SMYD4: variants seen among roughly 807,000 people sequenced by gnomAD.
SMYD4 encodes SET and MYND domain containing 4.
Under a neutral mutation model 72.8 loss-of-function variants are expected in SMYD4, and 68 were observed. The ratio of observed to expected loss-of-function variants is 0.93; its 90% CI spans 0.77 to 1.14. The LOEUF is 1.14. Among genes scored for constraint, SMYD4 ranks in the 50% most tolerant of loss-of-function variants. The pLI is 0.00. For synonymous variants in SMYD4, 407 were observed against 388.6 expected (o/e 1.05, Z -0.56); for missense variants, 984 against 1,003.7 (o/e 0.98, Z 0.27).
chr17:1,794,037 G>GTATATATATATGTGTGTGTATATATATA (rs540607649), intron 5 of SMYD4, among the ~76,000 whole-genome samples: 10 of 49,340 alleles, frequency 2.0e-4, no homozygotes, highest in East Asian at 9.3e-4. Context: ...ATATATATAT[G>GTATATATATATGTGTGTGTATATATATA]TATGTATATA....
rs1454228796 is a variant in SMYD4, at chr17:1,794,081, G to GTGTATATA, written c.1537+5775_1537+5776insTATATACA. ...TGTATATATATGTGTATATATATGT[G>GTGTATATA]TATATATATATATATATATATATAT... On this transcript the variant is annotated intron_variant, in intron 5 of 10. Transcript: ENST00000305513. Among the ~76,000 whole-genome samples the GTGTATATA allele has an allele frequency of 2.6e-3, 45 of 17,114 alleles. 3 individuals are homozygous for GTGTATATA. Among genetic ancestry groups the GTGTATATA allele is most frequent in the South Asian group, 3.4e-3 (2 of 580 alleles). 11.2% of individuals were successfully genotyped at this position (17,114 alleles called of 152,430 possible).
intron 2 of SMYD4, among the ~76,000 whole-genome samples, chr17:1,819,378 T>C (rs1450850150): frequency 6.6e-6 from 1 of 152,032 alleles, no homozygotes; most frequent in Admixed American, 6.6e-5. Context: ...ACAAACAAAA[T>C]GACTACATAG....
intron 3 of SMYD4, among the ~76,000 whole-genome samples, chr17:1,807,654 C>T (rs1162536701): frequency 6.6e-6 from 1 of 152,220 alleles, no homozygotes; most frequent in African/African-American, 2.4e-5. Flanking sequence ...CGAGCCACCG[C>T]GCCCGGCCTG....
At chr17:1,826,015 CATTGT>C (rs1911150281) in intron 2 of SMYD4, among the ~76,000 whole-genome samples, 1 of 151,894 alleles carries the variant, frequency 6.6e-6, no homozygotes, top group South Asian at 2.1e-4. Flanking sequence ...AAAACATTTA[CATTGT>C]AAATAGGGTA....
rs187970042 is a variant in SMYD4 at position 1,807,424 on chromosome 17, C to G, written c.280-2709G>C. On this transcript the variant is annotated intron_variant, in intron 3 of 10. Transcript: ENST00000305513. Reference sequence around the variant, plus strand: ...ACTAAAACTTCCGCGTACCGCCCCCCCCGGCCCCCACACCGGCAACCCCGC... The same window carrying G: ...ACTAAAACTTCCGCGTACCGCCCCCGCCGGCCCCCACACCGGCAACCCCGC... Among the ~76,000 whole-genome samples, 284 of 152,022 alleles carry G rather than the reference C, an allele frequency of 1.9e-3. 8 individuals are homozygous for G. In the East Asian group the frequency reaches 0.045, roughly 24 times the overall value.
chr17:1,793,492 G>C (rs12602913), intron 5 of SMYD4, among the ~76,000 whole-genome samples: 46,215 of 151,496 alleles, frequency 0.31, 7,418 homozygotes, highest in African/African-American at 0.38. Context: ...GCCCAGGCTT[G>C]TTCACAGGGC....
At position 1,795,754 on chromosome 17, in the gene SMYD4, T is replaced by G. The variant is rs532076531; in HGVS notation, c.1537+4103A>C. Among the ~76,000 whole-genome samples, 4 of 151,160 alleles carry G rather than the reference T, an allele frequency of 2.6e-5. No individual in the cohort carries two copies. In the East Asian group the frequency reaches 7.8e-4, roughly 29 times the overall value. On this transcript the variant is annotated intron_variant, in intron 5 of 10. Transcript: ENST00000305513. ...ACTGTGCCTGGCCCGTGAGTTTTTT[T>G]TTTTTTTTTTTAAGTATTTTCCTCT...
chr17:1,817,460 G>T (rs185047033), intron 2 of SMYD4, among the ~76,000 whole-genome samples: 1 of 152,060 alleles, frequency 6.6e-6, no homozygotes, highest in African/African-American at 2.4e-5. Flanking sequence ...TCCCACCTCA[G>T]CTTCCTGAGT....
At chr17:1,827,160 AT>A (rs1170867149) in intron 2 of SMYD4, among the ~76,000 whole-genome samples, 2 of 151,808 alleles carry the variant, frequency 1.3e-5, no homozygotes, top group Admixed American at 6.6e-5. Flanking sequence ...GTCAAAAAAA[AT>A]AAAATAAAAT....
Position 1,783,391 on chromosome 17 carries a change from C to T in SMYD4, c.2106G>A (p.Ala702=), listed in dbSNP as rs747752706. 1.6e-5 allele frequency: 25 copies of T among 1,612,514 alleles called. No homozygotes were observed. Among genetic ancestry groups the T allele is most frequent in the Admixed American group, 3.3e-5 (2 of 60,004 alleles). Residue 702 remains alanine (A), a synonymous_variant, in exon 9 of 11, where the codon GCG becomes GCA. Coordinates refer to ENST00000305513, the MANE Select transcript of SMYD4 (RefSeq NM_052928.3). ...WAEHAVVGEI[A]DGLARACAAL... ...CAGCACAGGCCCGGGCCAGGCCATC[C>T]GCGATCTCTCCCACCACGGCGTGCT...
intron 5 of SMYD4, among the ~76,000 whole-genome samples, chr17:1,794,039 A>ATATATATATGTGTG (rs1567770772): frequency 0.45 from 30,327 of 67,746 alleles, 7,669 homozygotes; most frequent in Non-Finnish European, 0.58. Context: ...ATATATATGT[A>ATATATATATGTGTG]TGTATATATA....
chr17:1,784,044 C>T (rs1336134637), intron 8 of SMYD4, among the ~76,000 whole-genome samples: 9 of 152,234 alleles, frequency 5.9e-5, no homozygotes, highest in Non-Finnish European at 1.2e-4. Flanking sequence ...ACACAGCTCA[C>T]GGATGTCAGC....
At position 1,790,400 on chromosome 17, in the gene SMYD4, G is replaced by A. The variant is rs968321102; in HGVS notation, c.1538-2796C>T. 3.9e-5 allele frequency among the ~76,000 whole-genome samples: 6 copies of A among 152,278 alleles called. No individual in the cohort carries two copies. The South Asian group carries it at 1.2e-3, about 32-fold the overall frequency. On this transcript the variant is annotated intron_variant, in intron 5 of 10. Coordinates refer to ENST00000305513, the MANE Select transcript of SMYD4 (RefSeq NM_052928.3). ...CATCTATTAGTAGAGATAATAGAAA[G>A]TGAGAATATGTATGTAGTTCCTCAA...
At chr17:1,793,043 G>A (rs1163641137) in intron 5 of SMYD4, among the ~76,000 whole-genome samples, 6 of 151,968 alleles carry the variant, frequency 3.9e-5, no homozygotes, top group African/African-American at 7.2e-5. Flanking sequence ...TCAGACTCCC[G>A]GGTAGCTGAG....
intron 8 of SMYD4, 51 bp from the exon 9 acceptor site, chr17:1,783,527 G>T: frequency 6.4e-7 from 1 of 1,553,852 alleles, no homozygotes. Flanking sequence ...CCCAGTCCTA[G>T]GAATGAGAAT....
chr17:1,801,625 G>GAAAAA (rs551608562), intron 4 of SMYD4, among the ~76,000 whole-genome samples: 1 of 89,992 alleles, frequency 1.1e-5, no homozygotes, highest in Admixed American at 1.4e-4. Context: ...GGCAGGCTTT[G>GAAAAA]AAAAAAAAAA....
chr17:1,825,030 G>T (rs575402362), intron 2 of SMYD4, among the ~76,000 whole-genome samples: 1 of 152,182 alleles, frequency 6.6e-6, no homozygotes, highest in African/African-American at 2.4e-5. Flanking sequence ...CACCATGATG[G>T]TAAGTTTCCT....
rs997513701 is a variant in SMYD4, at chr17:1,779,750, G to A, written c.*1536C>T. On this transcript the variant is annotated 3_prime_UTR_variant, in exon 11 of 11. Coordinates refer to ENST00000305513, the MANE Select transcript of SMYD4 (RefSeq NM_052928.3). ...ACTCCACGATTTTAACAAAGGAGTCGAGGAAGCTAGATACTGTAAGTGGAA... is the reference window on the plus strand; with the variant it reads ...ACTCCACGATTTTAACAAAGGAGTCAAGGAAGCTAGATACTGTAAGTGGAA... 3.9e-5 allele frequency: 6 copies of A among 152,450 alleles called. No homozygotes were observed. Among genetic ancestry groups the A allele is most frequent in the Non-Finnish European group, 5.9e-5 (4 of 68,044 alleles). 9.4% of individuals were successfully genotyped at this position (152,450 alleles called of 1,614,324 possible).
intron 2 of SMYD4, among the ~76,000 whole-genome samples, chr17:1,822,579 C>T (rs566232735): frequency 6.6e-6 from 1 of 152,254 alleles, no homozygotes; most frequent in East Asian, 1.9e-4. Flanking sequence ...CCATAACCCA[C>T]CATGGTATCA....
Sources: gnomAD v4.1 joint callset for allele counts (sites outside exome capture counted in the v4.1 genomes callset) on GRCh38, gnomAD v4.1.1 for gene constraint, MANE v1.5 for transcripts, NCBI Gene and HGNC (gene_info 2026-07-23, HGNC 2026-07-21) for gene names.